Variants in RNF220 observed in about 807,000 individuals in gnomAD.
RNF220 encodes the protein E3 ubiquitin-protein ligase RNF220.
In RNF220, 7 loss-of-function variants were observed where a neutral mutation model predicts 67.1. That is an observed-to-expected ratio of 0.10 (90% CI 0.06 to 0.20). RNF220 has a LOEUF of 0.20. Ranked by LOEUF, RNF220 falls within the 10% of genes least tolerant of loss-of-function variation. RNF220 has a pLI of 1.00. For missense variants in RNF220, 565 were observed against 740.3 expected, an observed-to-expected ratio of 0.76 and a Z score of 2.75; for synonymous variants, 270 against 283.2, an observed-to-expected ratio of 0.95 and a Z score of 0.47.
intron 2 of RNF220, among the ~76,000 whole-genome samples, chr1:44,596,952 G>C (rs1359172532): frequency 6.6e-6 from 1 of 152,198 alleles, no homozygotes; most frequent in Non-Finnish European, 1.5e-5. Context: ...TAATACTATG[G>C]CTCAGCTGTG....
rs371800577 is a variant in RNF220 at position 44,565,254 on chromosome 1, G to T, written c.626-48911G>T. Among the ~76,000 whole-genome samples, 1 of 143,844 alleles carries T rather than the reference G, an allele frequency of 7.0e-6. No homozygotes were observed. The highest frequency in any genetic ancestry group is 2.4e-4 in the East Asian group (1 of 4,250). The allele number at this position is 143,844 out of a possible 152,430, so 94.4% of individuals were successfully genotyped here. ...CCACTGAACCAGGAGAATAAGGCCAGTTGGGTACCAATCTGGAAGCCTGGG... is the reference window on the plus strand; with the variant it reads ...CCACTGAACCAGGAGAATAAGGCCATTTGGGTACCAATCTGGAAGCCTGGG... On this transcript the variant is annotated intron_variant, in intron 2 of 14. Transcript: ENST00000361799. This position sits in a 1 kb window ranked among gnomAD's most constrained non-coding sequence, Gnocchi z 4.2.
chr1:44,448,702 A>G (rs1652352635), intron 2 of RNF220, among the ~76,000 whole-genome samples: 1 of 152,260 alleles, frequency 6.6e-6, no homozygotes, highest in African/African-American at 2.4e-5. Flanking sequence ...GGGAATACAA[A>G]GAAATTTAGT....
chr1:44,502,040 T>C (rs2148088204), intron 2 of RNF220, among the ~76,000 whole-genome samples: 1 of 131,284 alleles, frequency 7.6e-6, no homozygotes, highest in African/African-American at 2.9e-5. Context: ...CCAGCTGACT[T>C]CACACCACTG....
At chr1:44,512,033 G>T (rs919515139) in intron 2 of RNF220, among the ~76,000 whole-genome samples, 4 of 151,920 alleles carry the variant, frequency 2.6e-5, no homozygotes, top group Non-Finnish European at 5.9e-5. Context: ...TGTTGTAATG[G>T]GTGTGCCACA....
At chr1:44,486,510 A>G (rs1328582335) in intron 2 of RNF220, among the ~76,000 whole-genome samples, 2 of 152,202 alleles carry the variant, frequency 1.3e-5, no homozygotes, top group Admixed American at 1.3e-4. Flanking sequence ...GAGAGCTTAA[A>G]CCAACATGCA....
chr1:44,522,494 G>A (rs188406873), intron 2 of RNF220, among the ~76,000 whole-genome samples: 5 of 152,298 alleles, frequency 3.3e-5, no homozygotes, highest in Non-Finnish European at 1.5e-5. Context: ...AGTCGAACTG[G>A]TCACTTAAGG....
At chr1:44,422,691 C>T (rs1649360438) in intron 2 of RNF220, among the ~76,000 whole-genome samples, 1 of 152,182 alleles carries the variant, frequency 6.6e-6, no homozygotes, top group South Asian at 2.1e-4. Flanking sequence ...CAGAATAGCT[C>T]TCAGGCTCTT....
At chr1:44,579,196 A>G (rs1665055247) in intron 2 of RNF220, among the ~76,000 whole-genome samples, 1 of 151,936 alleles carries the variant, frequency 6.6e-6, no homozygotes, top group African/African-American at 2.4e-5. Flanking sequence ...AAATCATGCA[A>G]TCTTCATAAC....
intron 2 of RNF220, among the ~76,000 whole-genome samples, chr1:44,539,935 G>A (rs1486547002): frequency 2.6e-5 from 4 of 152,082 alleles, no homozygotes; most frequent in African/African-American, 9.7e-5. Context: ...CAAACTCTTC[G>A]GCGTGGTATG....
chr1:44,632,792 C>G (rs1283276551), intron 6 of RNF220: 1 of 208,920 alleles, frequency 4.8e-6, no homozygotes, highest in Non-Finnish European at 1.0e-5. Flanking sequence ...TACAGCCCCT[C>G]TGCTGAGACT....
intron 2 of RNF220, among the ~76,000 whole-genome samples, chr1:44,470,070 A>G (rs1162860305): frequency 1.3e-5 from 2 of 152,092 alleles, no homozygotes; most frequent in African/African-American, 4.8e-5. Context: ...GGGAAACAAG[A>G]GCAGATGTGC....
chr1:44,493,899 G>C (rs1000967928), intron 2 of RNF220, among the ~76,000 whole-genome samples: 1 of 151,940 alleles, frequency 6.6e-6, no homozygotes, highest in Non-Finnish European at 1.5e-5. Context: ...GTCAATAAAG[G>C]TATCTATTAA....
rs529006918 is a variant in RNF220 at position 44,622,411 on chromosome 1, G to T, written c.759-331G>T. On this transcript the variant is annotated intron_variant, in intron 3 of 14. Coordinates refer to ENST00000361799, the MANE Select transcript of RNF220 (RefSeq NM_018150.4). This position sits in a 1 kb window ranked among gnomAD's most constrained non-coding sequence, Gnocchi z 4.3. ...TGGGAACAGGGGGTGGAGAGAAGGG[G>T]GTCTCCAGGACAGGCAGAATCTTCA... Among the ~76,000 whole-genome samples, 1 of 152,172 alleles carries T rather than the reference G, an allele frequency of 6.6e-6. No homozygotes were observed. The highest frequency in any genetic ancestry group is 2.4e-5 in the African/African-American group (1 of 41,432).
chr1:44,439,216 T>C (rs1351155848), intron 2 of RNF220, among the ~76,000 whole-genome samples: 1 of 152,250 alleles, frequency 6.6e-6, no homozygotes, highest in Non-Finnish European at 1.5e-5. Context: ...CAACACATTA[T>C]GATAAATATT....
intron 2 of RNF220, among the ~76,000 whole-genome samples, chr1:44,452,555 A>AAAATAATAATAAAAATAAAT (rs1553221797): frequency 2.0e-5 from 3 of 152,208 alleles, no homozygotes; most frequent in Non-Finnish European, 2.9e-5. Flanking sequence ...CTCCATCTCA[A>AAAATAATAATAAAAATAAAT]AAATAATAAT....
chr1:44,429,609 G>A (rs1380448337), intron 2 of RNF220, among the ~76,000 whole-genome samples: 1 of 152,230 alleles, frequency 6.6e-6, no homozygotes, highest in East Asian at 1.9e-4. Context: ...AAAACCAAAA[G>A]TAGCCAGAGA....
At chr1:44,473,503 C>T (rs1406959772) in intron 2 of RNF220, among the ~76,000 whole-genome samples, 4 of 64,786 alleles carry the variant, frequency 6.2e-5, no homozygotes, top group African/African-American at 2.1e-4. Context: ...GGGCGGGGGG[C>T]GGGGCGGGTC....
chr1:44,632,080 A>C (rs1644153116), intron 5 of RNF220: 1 of 1,231,510 alleles, frequency 8.1e-7, no homozygotes, highest in African/African-American at 1.6e-5. Context: ...CGTGGGGCCC[A>C]GAGCGCCGGA....
At chr1:44,626,804 C>T (rs1643955449) in intron 5 of RNF220, 2 of 168,620 alleles carry the variant, frequency 1.2e-5, no homozygotes, top group South Asian at 1.5e-4. Flanking sequence ...TTTGGGAGGC[C>T]GAGGCAGGCA....
Sources: allele counts gnomAD v4.1 joint callset (sites outside exome capture counted in the v4.1 genomes callset), GRCh38; gene constraint gnomAD v4.1.1; non-coding constraint Gnocchi (gnomAD v3.1); transcripts MANE v1.5; gene names NCBI Gene and HGNC (gene_info 2026-07-23, HGNC 2026-07-21).